The following ABCA8 variants were observed in gnomAD, a reference collection of about 807,000 sequenced individuals.
The protein encoded by ABCA8 is ABC-type organic anion transporter ABCA8.
A neutral mutation model predicts 192.3 loss-of-function variants in ABCA8; 177 were observed. The ratio of observed to expected loss-of-function variants is 0.92; its 90% CI spans 0.81 to 1.04. The LOEUF (loss-of-function observed/expected upper bound fraction) is 1.04, where lower values mean the gene tolerates loss of function less well. ABCA8 is among the 50% of genes least tolerant of loss of function. The probability of loss-of-function intolerance (pLI) is 0.00; values close to 1 mark genes in which losing one functional copy is unlikely to be tolerated. For synonymous variants in ABCA8, 642 were observed against 690.2 expected (o/e 0.93, Z 1.09); for missense variants, 1,915 against 1,904.8 (o/e 1.01, Z -0.10).
chr17:68,944,832 C>T (rs946183625), intron 2 of ABCA8: 7 of 152,288 alleles, frequency 4.6e-5, no homozygotes, highest in Admixed American at 1.3e-4. Flanking sequence ...AGCACGGATA[C>T]AAAGCAGAGA....
chr17:68,891,588 C>A lies in ABCA8; in HGVS notation c.3045G>T (p.Gln1015His). Residue 1015 changes from glutamine (Q) to histidine (H), a missense_variant, in exon 24 of 40, where the codon CAG becomes CAT. By Grantham distance (24) the Gln-to-His change is conservative (BLOSUM62 0). Coordinates refer to ENST00000586539, the MANE Select transcript of ABCA8 (RefSeq NM_001288985.2). ...ATGCCAGGAATCCGATTGGATTGTC[C>A]TGTCCATTCTGAAAAACCCAAAGAA... ...TERSTFLENGQDNPIGFLAYI... is the reference protein window; with the variant it reads ...TERSTFLENGHDNPIGFLAYI... 1 of 1,608,708 alleles carries A rather than the reference C, an allele frequency of 6.2e-7. No homozygotes were observed. Among genetic ancestry groups the A allele is most frequent in the South Asian group, 1.1e-5 (1 of 90,424 alleles).
intron 21 of ABCA8, among the ~76,000 whole-genome samples, chr17:68,896,376 T>C (rs2066758576): frequency 6.6e-6 from 1 of 152,232 alleles, no homozygotes; most frequent in Non-Finnish European, 1.5e-5. Flanking sequence ...ATAGTAGTGC[T>C]CCCTTATCCA....
chr17:68,896,598 T>C (rs534935090), intron 21 of ABCA8, among the ~76,000 whole-genome samples: 1 of 152,264 alleles, frequency 6.6e-6, no homozygotes, highest in South Asian at 2.1e-4. Flanking sequence ...ACCTACTCAT[T>C]AGTTACTTAG....
intron 17 of ABCA8, among the ~76,000 whole-genome samples, chr17:68,917,036 G>A (rs1048639442): frequency 2.0e-5 from 3 of 152,202 alleles, no homozygotes; most frequent in South Asian, 2.1e-4. Flanking sequence ...TTGGGAGGCC[G>A]AGGCGGGCGG....
intron 27 of ABCA8, 168 bp from the exon 28 acceptor site, chr17:68,884,564 T>A: frequency 7.6e-7 from 1 of 1,317,654 alleles, no homozygotes; most frequent in Non-Finnish European, 9.7e-7. Context: ...CCTCCCAAGG[T>A]CTATGAGCTT....
chr17:68,944,357 T>TATATAC (rs1555619507), intron 2 of ABCA8, among the ~76,000 whole-genome samples: 2 of 53,424 alleles, frequency 3.7e-5, no homozygotes, highest in Non-Finnish European at 8.7e-5. Context: ...TATATATATA[T>TATATAC]ATACACATAT....
chr17:68,876,899 A>G (rs913750757), intron 33 of ABCA8, among the ~76,000 whole-genome samples, 196 bp from the exon 34 acceptor site: 2 of 152,264 alleles, frequency 1.3e-5, no homozygotes, highest in Non-Finnish European at 2.9e-5. Flanking sequence ...TTGAAGAAAT[A>G]GAAGGACATG....
chr17:68,885,624 T>C (rs1259163511), intron 26 of ABCA8, among the ~76,000 whole-genome samples: 1 of 152,014 alleles, frequency 6.6e-6, no homozygotes, highest in African/African-American at 2.4e-5. Flanking sequence ...CATGGCTCAC[T>C]GCAGCCTCAA....
At chr17:68,884,599 A>T in intron 27 of ABCA8, 1 of 1,264,154 alleles carries the variant, frequency 7.9e-7, no homozygotes. Flanking sequence ...AGGATTTATC[A>T]ATTACTAATC....
chr17:68,929,958 A>T (rs1013196251), intron 7 of ABCA8, among the ~76,000 whole-genome samples: 3 of 113,818 alleles, frequency 2.6e-5, no homozygotes, highest in Non-Finnish European at 5.0e-5. Flanking sequence ...TCACACACAC[A>T]TGCACATTGT....
chr17:68,927,772 G>T, intron 10 of ABCA8, 144 bp downstream of exon 10: 2 of 569,312 alleles, frequency 3.5e-6, no homozygotes, highest in Non-Finnish European at 5.8e-6. Context: ...AAATAATTTG[G>T]CCAGTAGCGA....
intron 2 of ABCA8, among the ~76,000 whole-genome samples, chr17:68,948,931 A>C (rs1378029741): frequency 1.3e-5 from 2 of 152,140 alleles, no homozygotes; most frequent in Non-Finnish European, 1.5e-5. Context: ...AGGTGTAAGG[A>C]AGGGGTCCAG....
intron 2 of ABCA8, among the ~76,000 whole-genome samples, chr17:68,942,260 T>C (rs2068252752): frequency 6.6e-6 from 1 of 152,156 alleles, no homozygotes; most frequent in African/African-American, 2.4e-5. Context: ...CCTGTGCCTG[T>C]TATCAATTTA....
chr17:68,887,937 A>AT (rs2066527735), intron 24 of ABCA8, among the ~76,000 whole-genome samples: 7 of 104,120 alleles, frequency 6.7e-5, no homozygotes, highest in African/African-American at 2.4e-4. Flanking sequence ...ATATATGGAT[A>AT]TATATATTAT....
Position 68,894,931 on chromosome 17 carries a change from GC to G in ABCA8, c.2846del (p.Gly949AlafsTer24), listed in dbSNP as rs1172035563. 6.2e-7 allele frequency: 1 copy of G among 1,613,552 alleles called. No individual in the cohort carries two copies. The highest frequency in any genetic ancestry group is 1.3e-5 in the African/African-American group (1 of 74,982). On this transcript the variant is annotated frameshift_variant, in exon 22 of 40. Transcript: ENST00000586539. LOFTEE classifies it high-confidence loss of function. ...LEVDAFGTRNGTDDPSYNGAI... is the reference protein window; with the variant it reads ...LEVDAFGTRNXTDDPSYNGAI... ...CTCCATTATAAGATGGGTCATCTGT[GC>G]CATTTCTAGTTCCAAATGCATCCAC...
chr17:68,895,358 A>G (rs961592897), intron 21 of ABCA8, among the ~76,000 whole-genome samples: 26 of 152,068 alleles, frequency 1.7e-4, no homozygotes, highest in Non-Finnish European at 2.5e-4. Context: ...CTACTGCTAG[A>G]TTATTAATTA....
At chr17:68,884,629 G>C in intron 27 of ABCA8, 1 of 1,223,362 alleles carries the variant, frequency 8.2e-7, no homozygotes, top group Non-Finnish European at 1.0e-6. Context: ...GAGAATCCTG[G>C]AGATCCGTGC....
At chr17:68,921,518 A>G (rs754162356) in intron 12 of ABCA8, 26 bp from the exon 13 acceptor site, 4 of 1,486,030 alleles carry the variant, frequency 2.7e-6, no homozygotes, top group Non-Finnish European at 2.8e-6. Context: ...GAAAGGAAAG[A>G]AAGATAAGAT....
At chr17:68,920,324 G>A (rs1308856391) in intron 13 of ABCA8, among the ~76,000 whole-genome samples, 2 of 151,892 alleles carry the variant, frequency 1.3e-5, no homozygotes, top group Non-Finnish European at 2.9e-5. Context: ...CCTGGGTCAT[G>A]TAATAATATA....
Sources: gnomAD v4.1 joint callset for allele counts (sites outside exome capture counted in the v4.1 genomes callset) on GRCh38, gnomAD v4.1.1 for gene constraint, MANE v1.5 for transcripts, NCBI Gene and HGNC (gene_info 2026-07-23, HGNC 2026-07-21) for gene names.